The following HAAO variants were observed in gnomAD, a reference collection of about 807,000 sequenced individuals.
HAAO encodes 3-hydroxyanthranilate oxygenase.
Under a neutral mutation model 46.2 loss-of-function variants are expected in HAAO, and 49 were observed. The observed-to-expected ratio is 1.06, with a 90% CI of 0.84 to 1.34. The LOEUF (loss-of-function observed/expected upper bound fraction) is 1.34. Among genes scored for constraint, HAAO ranks in the 40% most tolerant of loss-of-function variants. The pLI, the probability that HAAO is intolerant of heterozygous loss-of-function variation, is 0.00. For missense variants in HAAO, 408 were observed against 364.5 expected, an observed-to-expected ratio of 1.12 and a Z score of -0.97; for synonymous variants, 157 against 145.2, an observed-to-expected ratio of 1.08 and a Z score of -0.58.
At chr2:42,783,509 C>A in intron 3 of HAAO, 89 bp from the exon 4 acceptor site, 1 of 857,118 alleles carries the variant, frequency 1.2e-6, no homozygotes, top group Non-Finnish European at 1.9e-6. Flanking sequence ...CCCCAGCTGA[C>A]CCCCGGGCAG....
intron 5 of HAAO, 98 bp from the exon 6 acceptor site, chr2:42,770,284 C>G: frequency 5.8e-6 from 6 of 1,035,132 alleles, no homozygotes; most frequent in South Asian, 4.2e-5. Context: ...GGTGCAGGTG[C>G]CCACACACAC....
Position 42,767,315 on chromosome 2 carries a change from G to C in HAAO, c.*122C>G. Reference sequence around the variant, plus strand: ...GAGGGTGGGTGACAACAATGTGCAGGTCTGTGGGGGACACAGCGGCAGTAC... The same window carrying C: ...GAGGGTGGGTGACAACAATGTGCAGCTCTGTGGGGGACACAGCGGCAGTAC... On this transcript the variant is annotated 3_prime_UTR_variant, in exon 10 of 10. Transcript: ENST00000294973. The C allele has an allele frequency of 1.4e-6, 1 of 728,184 alleles. No individual in the cohort carries two copies. The highest frequency in any genetic ancestry group is 2.5e-6 in the Non-Finnish European group (1 of 407,436). 45.1% of individuals were successfully genotyped at this position (728,184 alleles called of 1,614,324 possible). A position where few individuals can be genotyped will look rare whatever the true frequency, so the allele number is the denominator to read the frequency against.
chr2:42,775,991 T>A lies in HAAO; in HGVS notation c.351-5409A>T, dbSNP rs376645353. On this transcript the variant is annotated intron_variant, in intron 4 of 9. Coordinates refer to ENST00000294973, the MANE Select transcript of HAAO (RefSeq NM_012205.3). ...TAAGATCAAATGTGGAAGAGTGTGG[T>A]TTAGATACTTAGAAATGTCTTTGTT... is the stretch of plus-strand genomic sequence containing the variant. Among the ~76,000 whole-genome samples the A allele has an allele frequency of 7.2e-5, 11 of 151,744 alleles. No homozygotes were observed. In the South Asian group the frequency reaches 2.1e-3, roughly 29 times the overall value.
chr2:42,784,056 A>G, intron 2 of HAAO, 189 bp from the exon 3 acceptor site: 1 of 624,144 alleles, frequency 1.6e-6, no homozygotes, highest in Non-Finnish European at 2.0e-6. Flanking sequence ...CCGGGGACAC[A>G]TGGGATCATG....
At chr2:42,790,626 G>A (rs1394891303) in intron 1 of HAAO, among the ~76,000 whole-genome samples, 1 of 151,824 alleles carries the variant, frequency 6.6e-6, no homozygotes, top group Admixed American at 6.6e-5. Flanking sequence ...CCACCTCCCG[G>A]GTTCAAGCAA....
intron 1 of HAAO, among the ~76,000 whole-genome samples, chr2:42,791,206 G>C (rs979807728): frequency 2.0e-5 from 3 of 152,190 alleles, no homozygotes; most frequent in African/African-American, 4.8e-5. Flanking sequence ...TTTGGACACA[G>C]ACACACACAC....
intron 4 of HAAO, among the ~76,000 whole-genome samples, chr2:42,782,630 C>A (rs1323337086): frequency 6.6e-6 from 1 of 152,224 alleles, no homozygotes; most frequent in Non-Finnish European, 1.5e-5. Flanking sequence ...AAGGTAGGAA[C>A]TGCTTAGGGC....
intron 4 of HAAO, among the ~76,000 whole-genome samples, chr2:42,772,460 G>A (rs1671208643): frequency 1.4e-5 from 2 of 144,904 alleles, no homozygotes; most frequent in African/African-American, 5.3e-5. Flanking sequence ...CAGCCTGGGT[G>A]ACAGAGCAAG....
In HAAO at chr2:42,783,681, G is replaced by T; in HGVS notation, c.243+103C>A. On this transcript the variant is annotated intron_variant, in intron 3 of 9. Transcript: ENST00000294973. ...GGGAAGGTGTGGGAGAGCAGGAAAAGGTAGGGAGGACAAGACCTCAGCCAG... is the reference window on the plus strand; with the variant it reads ...GGGAAGGTGTGGGAGAGCAGGAAAATGTAGGGAGGACAAGACCTCAGCCAG... 9 of 989,376 alleles carry T rather than the reference G, an allele frequency of 9.1e-6. No homozygotes were observed. The South Asian group carries it at 1.1e-4, about 13-fold the overall frequency. The allele number at this position is 989,376 out of a possible 1,614,324, so 61.3% of individuals were successfully genotyped here.
chr2:42,783,996 T>C (rs1015735593), intron 2 of HAAO, 129 bp from the exon 3 acceptor site: 26 of 1,488,308 alleles, frequency 1.7e-5, no homozygotes, highest in Non-Finnish European at 2.3e-5. Flanking sequence ...GATGGGCAGC[T>C]CCGTCACTTC....
Position 42,767,344 on chromosome 2 carries a change from G to C in HAAO, c.*93C>G, listed in dbSNP as rs2304661. 6.0e-6 allele frequency: 5 copies of C among 836,676 alleles called. No homozygotes were observed. Among genetic ancestry groups the C allele is most frequent in the Non-Finnish European group, 1.0e-5 (5 of 492,688 alleles). 51.8% of individuals were successfully genotyped at this position (836,676 alleles called of 1,614,324 possible). ...GTGGGGGACACAGCGGCAGTACACA[G>C]AGAGGTAGTGGGGGCTGGGAGAGTT... On this transcript the variant is annotated 3_prime_UTR_variant, in exon 10 of 10. Coordinates refer to ENST00000294973, the MANE Select transcript of HAAO (RefSeq NM_012205.3).
At chr2:42,782,878 T>A (rs1471131333) in intron 4 of HAAO, 7 of 461,614 alleles carry the variant, frequency 1.5e-5, no homozygotes, top group Non-Finnish European at 2.6e-5. Context: ...CGGTGTCTCA[T>A]GTCTCCCTAA....
chr2:42,780,020 C>T (rs1469095664), intron 4 of HAAO, among the ~76,000 whole-genome samples: 1 of 152,000 alleles, frequency 6.6e-6, no homozygotes, highest in Non-Finnish European at 1.5e-5. Context: ...ACTTAGTGTA[C>T]ATCATCAGTA....
intron 4 of HAAO, among the ~76,000 whole-genome samples, chr2:42,771,358 C>T (rs748068332): frequency 3.3e-5 from 5 of 151,144 alleles, no homozygotes; most frequent in East Asian, 1.9e-4. Context: ...AACCGGGAAG[C>T]GGAGGTTGCA....
In HAAO at chr2:42,767,202, G is replaced by C; in HGVS notation, c.*235C>G. The C allele has an allele frequency of 1.7e-6, 1 of 599,914 alleles. No homozygotes were observed. Among genetic ancestry groups the C allele is most frequent in the Non-Finnish European group, 3.0e-6 (1 of 334,644 alleles). The allele number at this position is 599,914 out of a possible 1,614,324, so 37.2% of individuals were successfully genotyped here. On this transcript the variant is annotated 3_prime_UTR_variant, in exon 10 of 10. Transcript: ENST00000294973. The stretch of plus-strand genomic sequence containing the variant: ...GGGCCGGGGGTAGACCACCTGGCAA[G>C]ACTGGCAAGGCAGTGGGCTGAGTCT...
intron 8 of HAAO, 45 bp downstream of exon 8, chr2:42,767,815 C>A (rs945384652): frequency 1.9e-6 from 3 of 1,596,372 alleles, no homozygotes; most frequent in Non-Finnish European, 2.6e-6. Context: ...GGGCTGATGC[C>A]CTCTGGCAGG....
At chr2:42,779,722 A>G (rs1252601345) in intron 4 of HAAO, among the ~76,000 whole-genome samples, 4 of 152,230 alleles carry the variant, frequency 2.6e-5, no homozygotes, top group Non-Finnish European at 4.4e-5. Context: ...TACTTTGGTT[A>G]AATGAATGAT....
At chr2:42,783,986 G>C (rs982801251) in intron 2 of HAAO, 119 bp from the exon 3 acceptor site, 1 of 1,510,838 alleles carries the variant, frequency 6.6e-7, no homozygotes, top group South Asian at 1.3e-5. Flanking sequence ...CCTTGGAGTT[G>C]ATGGGCAGCT....
chr2:42,768,265 C>T (rs1051679341), intron 7 of HAAO, among the ~76,000 whole-genome samples: 1 of 152,226 alleles, frequency 6.6e-6, no homozygotes, highest in Admixed American at 6.5e-5. Flanking sequence ...AGGGTGCCAC[C>T]TCCCTTTCTC....
Sources: allele counts gnomAD v4.1 joint callset (sites outside exome capture counted in the v4.1 genomes callset), GRCh38; gene constraint gnomAD v4.1.1; transcripts MANE v1.5; gene names NCBI Gene and HGNC (gene_info 2026-07-23, HGNC 2026-07-21).